PTPRD: variants seen among roughly 807,000 people sequenced by gnomAD.
The protein encoded by PTPRD is protein tyrosine phosphatase receptor type D.
A neutral mutation model predicts 214.5 loss-of-function variants in PTPRD; 34 were observed. The ratio of observed to expected loss-of-function variants is 0.16; its 90% CI spans 0.12 to 0.21. The LOEUF (loss-of-function observed/expected upper bound fraction) is 0.21, where lower values mean the gene tolerates loss of function less well. Ranked by LOEUF, PTPRD falls within the 10% of genes least tolerant of loss-of-function variation. The pLI, the probability that PTPRD is intolerant of heterozygous loss-of-function variation, is 1.00. For synonymous variants in PTPRD, 1,128 were observed against 845.7 expected (o/e 1.33, Z -5.79); for missense variants, 2,545 against 2,398.7 (o/e 1.06, Z -1.27).
chr9:9,493,632 C>CA (rs2096023683), intron 8 of PTPRD, among the ~76,000 whole-genome samples: 1 of 151,348 alleles, frequency 6.6e-6, no homozygotes, highest in Non-Finnish European at 1.5e-5. Context: ...ACTAAACATA[C>CA]AAAAAATTAG....
intron 7 of PTPRD, among the ~76,000 whole-genome samples, chr9:9,576,763 G>C (rs1592020439): frequency 6.6e-6 from 1 of 152,100 alleles, no homozygotes; most frequent in East Asian, 1.9e-4. Context: ...AAAGTTTAAA[G>C]TCAAGCTTTA....
At chr9:10,090,359 A>T (rs1314659750) in intron 3 of PTPRD, among the ~76,000 whole-genome samples, 4 of 151,516 alleles carry the variant, frequency 2.6e-5, no homozygotes, top group African/African-American at 9.7e-5. Context: ...TTTGATCATC[A>T]AAATATAGAA....
chr9:9,488,192 C>G (rs2095739556), intron 8 of PTPRD, among the ~76,000 whole-genome samples: 1 of 152,130 alleles, frequency 6.6e-6, no homozygotes. Context: ...TTTCCTTACA[C>G]TATTCACCTA....
At chr9:10,249,255 T>C (rs1241412830) in intron 3 of PTPRD, among the ~76,000 whole-genome samples, 1 of 152,168 alleles carries the variant, frequency 6.6e-6, no homozygotes, top group Non-Finnish European at 1.5e-5. Context: ...TTGTTCACCT[T>C]GTGAAAAGTA....
At chr9:8,629,026 G>A (rs1165822554) in intron 14 of PTPRD, among the ~76,000 whole-genome samples, 1 of 151,714 alleles carries the variant, frequency 6.6e-6, no homozygotes, top group Non-Finnish European at 1.5e-5. Flanking sequence ...GAACAGCCCA[G>A]TCTAAAAATA....
At chr9:9,027,365 C>A (rs2099590886) in intron 10 of PTPRD, among the ~76,000 whole-genome samples, 1 of 151,954 alleles carries the variant, frequency 6.6e-6, no homozygotes, top group African/African-American at 2.4e-5. Flanking sequence ...ATGGAAAATG[C>A]ACATGTACAC....
At chr9:9,034,449 C>T (rs1433872340) in intron 10 of PTPRD, among the ~76,000 whole-genome samples, 2 of 152,118 alleles carry the variant, frequency 1.3e-5, no homozygotes, top group Admixed American at 1.3e-4. Context: ...ATGTGTCTCC[C>T]AAGGTTGTTG....
chr9:9,261,803 T>A (rs1418610365), intron 9 of PTPRD, among the ~76,000 whole-genome samples: 1 of 151,808 alleles, frequency 6.6e-6, no homozygotes, highest in Non-Finnish European at 1.5e-5. Context: ...GCTCCTTCGT[T>A]ATTTCACTAA....
At chr9:9,940,720 T>G (rs2091222119) in intron 4 of PTPRD, among the ~76,000 whole-genome samples, 2 of 152,166 alleles carry the variant, frequency 1.3e-5, no homozygotes, top group South Asian at 4.1e-4. Context: ...TGCTGAGCTC[T>G]TCACCACTTG....
In PTPRD at chr9:8,521,499, T is replaced by C. The variant is rs371571276; in HGVS notation, c.739A>G (p.Ile247Val). The change falls in exon 20 of 46, where the codon ATC becomes GTC. Residue 247 changes from isoleucine to valine, a missense_variant. By Grantham distance (29) the Ile-to-Val change is conservative. Transcript: ENST00000381196. Reference sequence around the variant, plus strand: ...ATATTAACGCTTCCGCCTGGCATGATTTCATGATTAGTGGGTGGGATAGAG... The same window carrying C: ...ATATTAACGCTTCCGCCTGGCATGACTTCATGATTAGTGGGTGGGATAGAG... ...RFSIPPTNHE[I>V]MPGGSVNITC... The C allele has an allele frequency of 4.4e-5, 71 of 1,613,840 alleles. No individual in the cohort carries two copies. The highest frequency in any genetic ancestry group is 5.9e-5 in the Non-Finnish European group (70 of 1,179,918).
chr9:9,570,608 G>A (rs2086068082), intron 8 of PTPRD, among the ~76,000 whole-genome samples: 1 of 151,430 alleles, frequency 6.6e-6, no homozygotes, highest in African/African-American at 2.4e-5. Flanking sequence ...AAGTATTAGT[G>A]CTACTTAAAG....
intron 11 of PTPRD, among the ~76,000 whole-genome samples, chr9:8,779,789 C>G (rs2095622399): frequency 6.6e-6 from 1 of 150,776 alleles, no homozygotes; most frequent in Admixed American, 6.6e-5. Flanking sequence ...CATATTTGCT[C>G]ACACATTATG....
intron 3 of PTPRD, among the ~76,000 whole-genome samples, chr9:10,213,275 G>A (rs1044244247): frequency 6.6e-6 from 1 of 152,034 alleles, no homozygotes; most frequent in Admixed American, 6.6e-5. Flanking sequence ...ATAAAATAGA[G>A]TTATAACAAT....
Position 10,548,722 on chromosome 9 carries a change from C to T in PTPRD, c.-600+63676G>A, listed in dbSNP as rs1347217266. 4.4e-5 allele frequency among the ~76,000 whole-genome samples: 5 copies of T among 113,986 alleles called. No homozygotes were observed. The Admixed American group carries it at 5.1e-4, about 12-fold the overall frequency. The allele number at this position is 113,986 out of a possible 152,430, so 74.8% of individuals were successfully genotyped here. Reference sequence around the variant, plus strand: ...TGTGAAGGAAACCAGGCATCCTTTGCCACTAGATTAACTTTGAGCAACATC... The same window carrying T: ...TGTGAAGGAAACCAGGCATCCTTTGTCACTAGATTAACTTTGAGCAACATC... On this transcript the variant is annotated intron_variant, in intron 2 of 45. Coordinates refer to ENST00000381196, the MANE Select transcript of PTPRD (RefSeq NM_002839.4).
intron 3 of PTPRD, among the ~76,000 whole-genome samples, chr9:10,187,726 C>T (rs886151209): frequency 6.6e-6 from 1 of 152,214 alleles, no homozygotes; most frequent in African/African-American, 2.4e-5. Context: ...AGATGCTCCT[C>T]TGCTTTCATG....
intron 7 of PTPRD, among the ~76,000 whole-genome samples, chr9:9,697,916 G>T (rs896384483): frequency 6.6e-6 from 1 of 151,930 alleles, no homozygotes; most frequent in Non-Finnish European, 1.5e-5. Flanking sequence ...TCCTCTACTT[G>T]ATCCATTCTG....
chr9:9,968,127 T>G (rs776840634), intron 4 of PTPRD, among the ~76,000 whole-genome samples: 37 of 152,156 alleles, frequency 2.4e-4, no homozygotes, highest in Non-Finnish European at 2.5e-4. Flanking sequence ...TATTAAAAAT[T>G]TATCACATTT....
intron 11 of PTPRD, among the ~76,000 whole-genome samples, chr9:8,753,224 T>C (rs1407237651): frequency 6.6e-6 from 1 of 152,180 alleles, no homozygotes; most frequent in Non-Finnish European, 1.5e-5. Flanking sequence ...GACAGCAAAA[T>C]TGTCCTAAAA....
Position 10,477,071 on chromosome 9 carries a change from G to A in PTPRD, c.-600+135327C>T, listed in dbSNP as rs745779083. On this transcript the variant is annotated intron_variant, in intron 2 of 45. Transcript: ENST00000381196. ...CAATACCATTCAGGACATAGGCATG[G>A]GCAAAGAGTTCATGACTAAAACACA... is the stretch of plus-strand genomic sequence containing the variant. Among the ~76,000 whole-genome samples the A allele has an allele frequency of 2.0e-4, 30 of 152,038 alleles. 1 individual carries two copies. The highest frequency in any genetic ancestry group is 3.5e-4 in the Non-Finnish European group (24 of 67,998).
Sources: allele counts gnomAD v4.1 joint callset (sites outside exome capture counted in the v4.1 genomes callset), GRCh38; gene constraint gnomAD v4.1.1; transcripts MANE v1.5; gene names NCBI Gene and HGNC (gene_info 2026-07-23, HGNC 2026-07-21).